Variants in TMEM132D observed in about 807,000 individuals in gnomAD.
TMEM132D encodes transmembrane protein 132D.
TMEM132D carries 21 observed loss-of-function variants against 62.3 expected under a neutral mutation model. That is an observed-to-expected ratio of 0.34 (90% CI 0.24 to 0.49). TMEM132D has a LOEUF of 0.49. Ranked by LOEUF, TMEM132D falls within the 20% of genes least tolerant of loss-of-function variation. The pLI is 0.99. For synonymous variants in TMEM132D, 621 were observed against 575.6 expected, an observed-to-expected ratio of 1.08 and a Z score of -1.13; for missense variants, 1,346 against 1,402.8, an observed-to-expected ratio of 0.96 and a Z score of 0.65.
intron 4 of TMEM132D, among the ~76,000 whole-genome samples, chr12:129,250,280 A>G (rs1260561495): frequency 1.3e-5 from 2 of 152,232 alleles, no homozygotes; most frequent in Non-Finnish European, 2.9e-5. Flanking sequence ...GACTGACATC[A>G]CAATGTATGT....
intron 1 of TMEM132D, among the ~76,000 whole-genome samples, chr12:129,781,970 C>T (rs1203240864): frequency 6.6e-6 from 1 of 152,142 alleles, no homozygotes; most frequent in Non-Finnish European, 1.5e-5. Context: ...CACACAACCT[C>T]GTATGTAATG....
At chr12:129,438,572 A>G (rs762512544) in intron 3 of TMEM132D, among the ~76,000 whole-genome samples, 2 of 152,162 alleles carry the variant, frequency 1.3e-5, no homozygotes, top group Admixed American at 6.6e-5. Context: ...CAGAGACACA[A>G]GTCCCTGGAT....
chr12:129,325,023 C>T (rs1868857927), intron 4 of TMEM132D, among the ~76,000 whole-genome samples: 1 of 152,148 alleles, frequency 6.6e-6, no homozygotes, highest in Non-Finnish European at 1.5e-5. Context: ...GAGGCACCAT[C>T]ATTATCCCCA....
intron 1 of TMEM132D, among the ~76,000 whole-genome samples, chr12:129,818,573 T>C (rs1382430226): frequency 6.6e-6 from 1 of 150,438 alleles, no homozygotes; most frequent in Non-Finnish European, 1.5e-5. Context: ...TGTGTGTATG[T>C]GTATGTGTGT....
chr12:129,693,812 T>G (rs1276809089), intron 2 of TMEM132D, among the ~76,000 whole-genome samples: 2 of 152,188 alleles, frequency 1.3e-5, no homozygotes, highest in African/African-American at 2.4e-5. Context: ...GGTGGAGATT[T>G]CGGACGCTAA....
intron 2 of TMEM132D, among the ~76,000 whole-genome samples, chr12:129,624,990 C>T (rs1879173142): frequency 6.6e-6 from 1 of 152,272 alleles, no homozygotes; most frequent in Non-Finnish European, 1.5e-5. Context: ...CATTGCTCCA[C>T]ACCTCACAAC....
intron 3 of TMEM132D, among the ~76,000 whole-genome samples, chr12:129,404,664 G>A (rs1871724910): frequency 6.6e-6 from 1 of 152,160 alleles, no homozygotes; most frequent in Non-Finnish European, 1.5e-5. Context: ...ACAAGGGAGA[G>A]ATGGCAGGGG....
chr12:129,862,924 G>A (rs1273592448), intron 1 of TMEM132D, among the ~76,000 whole-genome samples: 1 of 151,988 alleles, frequency 6.6e-6, no homozygotes, highest in Non-Finnish European at 1.5e-5. Flanking sequence ...ATCACAACAT[G>A]CTTTGCATGT....
At chr12:129,689,364 C>T (rs557623892) in intron 2 of TMEM132D, among the ~76,000 whole-genome samples, 1 of 152,146 alleles carries the variant, frequency 6.6e-6, no homozygotes, top group Non-Finnish European at 1.5e-5. Context: ...AAAATCTAGA[C>T]ATGGTTTAAC....
At chr12:129,776,251 CA>C in intron 1 of TMEM132D, among the ~76,000 whole-genome samples, 1 of 152,208 alleles carries the variant, frequency 6.6e-6, no homozygotes, top group East Asian at 1.9e-4. Flanking sequence ...ACGTGAACCC[CA>C]AAAAGCATGA....
chr12:129,459,953 G>A lies in TMEM132D; in HGVS notation c.1115+71106C>T, dbSNP rs11060358. ...ACTGGGTGTCAAAATTGCCAATTTA[G>A]GGACTTACTTGCTTCCAAGGTGTGT... is the stretch of plus-strand genomic sequence containing the variant. On this transcript the variant is annotated intron_variant, in intron 3 of 8. Coordinates refer to ENST00000422113, the MANE Select transcript of TMEM132D (RefSeq NM_133448.3). 5.6e-3 allele frequency among the ~76,000 whole-genome samples: 859 copies of A among 152,302 alleles called. 16 individuals carry two copies. The South Asian group carries it at 0.065, about 12-fold the overall frequency.
At chr12:129,562,296 T>C (rs1033515844) in intron 2 of TMEM132D, among the ~76,000 whole-genome samples, 2 of 152,072 alleles carry the variant, frequency 1.3e-5, no homozygotes, top group African/African-American at 4.8e-5. Context: ...TAGATTGTAA[T>C]GGATTTGAGG....
intron 1 of TMEM132D, among the ~76,000 whole-genome samples, chr12:129,706,851 T>C (rs1881517996): frequency 6.6e-6 from 1 of 151,820 alleles, no homozygotes. Context: ...AGTTCTTGAA[T>C]CAAAATCAAA....
intron 2 of TMEM132D, among the ~76,000 whole-genome samples, chr12:129,599,416 AG>A (rs1426866767): frequency 6.6e-6 from 1 of 152,238 alleles, no homozygotes; most frequent in Non-Finnish European, 1.5e-5. Context: ...TTCTGCAAAC[AG>A]GGTTTCCTTC....
intron 1 of TMEM132D, among the ~76,000 whole-genome samples, chr12:129,845,543 A>G (rs1425063674): frequency 6.6e-6 from 1 of 152,232 alleles, no homozygotes; most frequent in Non-Finnish European, 1.5e-5. Context: ...CTGTGTTTAA[A>G]TATTATCCTA....
chr12:129,221,496 G>A (rs1879344954), intron 4 of TMEM132D, among the ~76,000 whole-genome samples: 1 of 152,126 alleles, frequency 6.6e-6, no homozygotes, highest in South Asian at 2.1e-4. Flanking sequence ...TGGGCAGCAG[G>A]ATAGATTGCT....
intron 5 of TMEM132D, among the ~76,000 whole-genome samples, chr12:129,124,775 C>T (rs921160404): frequency 6.6e-6 from 1 of 152,158 alleles, no homozygotes; most frequent in African/African-American, 2.4e-5. Flanking sequence ...CGGTGAACAT[C>T]CTTGTACATA....
intron 3 of TMEM132D, among the ~76,000 whole-genome samples, chr12:129,515,795 T>C (rs1348050764): frequency 6.6e-6 from 1 of 152,232 alleles, no homozygotes; most frequent in Non-Finnish European, 1.5e-5. Context: ...CCTTTCTATG[T>C]AACTGTCCAT....
chr12:129,214,710 C>A (rs1879154171), intron 4 of TMEM132D, among the ~76,000 whole-genome samples: 1 of 152,138 alleles, frequency 6.6e-6, no homozygotes, highest in Non-Finnish European at 1.5e-5. Context: ...TAAAAAAGCT[C>A]AACATCATTG....
Sources: gnomAD v4.1 joint callset for allele counts (sites outside exome capture counted in the v4.1 genomes callset) on GRCh38, gnomAD v4.1.1 for gene constraint, MANE v1.5 for transcripts, NCBI Gene and HGNC (gene_info 2026-07-23, HGNC 2026-07-21) for gene names.